Variants in SLC1A2 observed in about 807,000 individuals in gnomAD.
SLC1A2 encodes the protein excitatory amino acid transporter 2.
Under a neutral mutation model 48.8 loss-of-function variants are expected in SLC1A2, and 15 were observed. That is an observed-to-expected ratio of 0.31 (90% CI 0.21 to 0.47). The LOEUF is 0.47. SLC1A2 is among the 20% of genes least tolerant of loss of function. The pLI is 0.99. For synonymous variants in SLC1A2, 279 were observed against 272.6 expected (o/e 1.02, Z -0.23); for missense variants, 502 against 730.5 (o/e 0.69, Z 3.61).
chr11:35,419,082 T>C lies in SLC1A2; in HGVS notation c.-116A>G, dbSNP rs1228550359. 1.2e-6 allele frequency: 1 copy of C among 865,336 alleles called. No individual in the cohort carries two copies. Among genetic ancestry groups the C allele is most frequent in the Non-Finnish European group, 1.8e-6 (1 of 567,606 alleles). The allele number at this position is 865,336 out of a possible 1,614,324, so 53.6% of individuals were successfully genotyped here. On this transcript the variant is annotated 5_prime_UTR_variant, in exon 1 of 11. Transcript: ENST00000278379. This position sits in a 1 kb window ranked among gnomAD's most constrained non-coding sequence, Gnocchi z 5.4. ...GGGAGCGGTATTTAAGAGGAGCCTCTGCCCGCCCTTCCACCCGCCTCCGGG... is the reference window on the plus strand; with the variant it reads ...GGGAGCGGTATTTAAGAGGAGCCTCCGCCCGCCCTTCCACCCGCCTCCGGG...
At chr11:35,279,098 C>A (rs898136991) in intron 9 of SLC1A2, among the ~76,000 whole-genome samples, 2 of 152,190 alleles carry the variant, frequency 1.3e-5, no homozygotes, top group South Asian at 4.1e-4. Flanking sequence ...GCAAGTCAGG[C>A]AGTTTGAAAA....
intron 1 of SLC1A2, among the ~76,000 whole-genome samples, chr11:35,365,664 T>C (rs531277600): frequency 6.6e-6 from 1 of 152,218 alleles, no homozygotes; most frequent in South Asian, 2.1e-4. Flanking sequence ...TTACCACTCC[T>C]GAACTATTTC....
At position 35,351,700 on chromosome 11, in the gene SLC1A2, A is replaced by G. The variant is rs909225721; in HGVS notation, c.18-34184T>C. Among the ~76,000 whole-genome samples, 7 of 152,104 alleles carry G rather than the reference A, an allele frequency of 4.6e-5. No individual in the cohort carries two copies. The South Asian group carries it at 1.0e-3, about 23-fold the overall frequency. ...GCCCAGGCCAGAGTGCAGTGGCACA[A>G]TCTCGGCTCACTACAACCCTCTCCT... On this transcript the variant is annotated intron_variant, in intron 1 of 10. Coordinates refer to ENST00000278379, the MANE Select transcript of SLC1A2 (RefSeq NM_004171.4).
chr11:35,354,311 T>C (rs117239865), intron 1 of SLC1A2, among the ~76,000 whole-genome samples: 1,689 of 151,976 alleles, frequency 0.011, 15 homozygotes, highest in Non-Finnish European at 0.017. Flanking sequence ...TTTTTTTAAA[T>C]TAGCCAGGCA....
intron 1 of SLC1A2, among the ~76,000 whole-genome samples, chr11:35,351,631 T>TTTTA (rs1388816444): frequency 1.5e-4 from 23 of 152,186 alleles, no homozygotes; most frequent in African/African-American, 5.3e-4. Flanking sequence ...TATTTTTTAT[T>TTTTA]TTTATTTATT....
intron 8 of SLC1A2, among the ~76,000 whole-genome samples, chr11:35,283,391 T>A (rs1032166327): frequency 1.3e-5 from 2 of 152,210 alleles, no homozygotes; most frequent in Non-Finnish European, 2.9e-5. Flanking sequence ...ACACCCGTGG[T>A]GGGTGCCCCA....
At chr11:35,266,682 G>A (rs1950489813) in intron 9 of SLC1A2, among the ~76,000 whole-genome samples, 1 of 148,716 alleles carries the variant, frequency 6.7e-6, no homozygotes, top group Non-Finnish European at 1.5e-5. Flanking sequence ...TTAAAAGGAA[G>A]GATGCTGGAA....
chr11:35,377,320 G>T (rs559462568), intron 1 of SLC1A2, among the ~76,000 whole-genome samples: 1 of 152,160 alleles, frequency 6.6e-6, no homozygotes, highest in Non-Finnish European at 1.5e-5. Context: ...AAACTTTCTT[G>T]TTTCAACCAA....
chr11:35,389,923 G>T (rs972157706), intron 1 of SLC1A2, among the ~76,000 whole-genome samples: 3 of 152,178 alleles, frequency 2.0e-5, no homozygotes, highest in African/African-American at 7.2e-5. Context: ...AGGTTTTGGG[G>T]TCTTAAGTAT....
At position 35,254,601 on chromosome 11, in the gene SLC1A2, G is replaced by A; in HGVS notation, c.*6293C>T. The stretch of plus-strand genomic sequence containing the variant: ...GAAGAAACAGTGCCCCAGAAGGAGT[G>A]AGGCTCCGACTGCAACATCTCCATC... On this transcript the variant is annotated 3_prime_UTR_variant, in exon 11 of 11. Transcript: ENST00000278379. 1 of 319,808 alleles carries A rather than the reference G, an allele frequency of 3.1e-6. No homozygotes were observed. Among genetic ancestry groups the A allele is most frequent in the East Asian group, 9.1e-5 (1 of 10,998 alleles). The allele number at this position is 319,808 out of a possible 1,614,324, so 19.8% of individuals were successfully genotyped here. A position where few individuals can be genotyped will look rare whatever the true frequency, so the allele number is the denominator to read the frequency against.
At chr11:35,313,030 T>C (rs1283224381) in intron 3 of SLC1A2, among the ~76,000 whole-genome samples, 2 of 152,242 alleles carry the variant, frequency 1.3e-5, no homozygotes, top group Non-Finnish European at 2.9e-5. Context: ...TGAGTTAAAA[T>C]AAAGTTGAAG....
intron 1 of SLC1A2, among the ~76,000 whole-genome samples, chr11:35,376,882 C>T (rs1854254016): frequency 6.6e-6 from 1 of 152,158 alleles, no homozygotes; most frequent in South Asian, 2.1e-4. Flanking sequence ...TTCCTCAACC[C>T]CTGCACATTG....
chr11:35,384,667 C>T (rs1396932568), intron 1 of SLC1A2, among the ~76,000 whole-genome samples: 1 of 152,128 alleles, frequency 6.6e-6, no homozygotes, highest in East Asian at 1.9e-4. Flanking sequence ...CACCAGTATC[C>T]CAATTTCTGA....
At position 35,301,502 on chromosome 11, in the gene SLC1A2, A is replaced by G. The variant is rs1851354215; in HGVS notation, c.857+17T>C. ...TTTCTCAACCCACTGCTAAGAAGTA[A>G]GAACAAGGCCACTTACCACATGATC... is the stretch of plus-strand genomic sequence containing the variant. On this transcript the variant is annotated intron_variant, in intron 6 of 10. Coordinates refer to ENST00000278379, the MANE Select transcript of SLC1A2 (RefSeq NM_004171.4). 6.2e-7 allele frequency: 1 copy of G among 1,612,558 alleles called. No individual in the cohort carries two copies. Among genetic ancestry groups the G allele is most frequent in the Non-Finnish European group, 8.5e-7 (1 of 1,179,112 alleles).
intron 6 of SLC1A2, among the ~76,000 whole-genome samples, chr11:35,296,847 T>C (rs11524863): frequency 0.33 from 49,793 of 152,032 alleles, 9,439 homozygotes; most frequent in South Asian, 0.55. Context: ...ACGGCACTTA[T>C]TACTATTCGA....
intron 1 of SLC1A2, among the ~76,000 whole-genome samples, chr11:35,386,486 A>T (rs894462936): frequency 6.6e-6 from 1 of 152,266 alleles, no homozygotes; most frequent in African/African-American, 2.4e-5. Context: ...ATGAAAAGGC[A>T]TCAATATGTT....
chr11:35,317,544 G>A (rs773177643), intron 1 of SLC1A2, 28 bp from the exon 2 acceptor site: 10 of 1,606,226 alleles, frequency 6.2e-6, no homozygotes, highest in Non-Finnish European at 8.5e-6. Flanking sequence ...GCAGAGATTA[G>A]AGAGACTGGC....
intron 1 of SLC1A2, among the ~76,000 whole-genome samples, chr11:35,332,723 C>T (rs1459858198): frequency 1.3e-5 from 2 of 152,122 alleles, no homozygotes; most frequent in Non-Finnish European, 2.9e-5. Context: ...TCCCCATCTG[C>T]CCTGAACACA....
chr11:35,376,546 G>A (rs1389624818), intron 1 of SLC1A2, among the ~76,000 whole-genome samples: 1 of 151,960 alleles, frequency 6.6e-6, no homozygotes, highest in Non-Finnish European at 1.5e-5. Context: ...ATTTTCAAAA[G>A]ACAAAAAATG....
Sources: gnomAD v4.1 joint callset for allele counts (sites outside exome capture counted in the v4.1 genomes callset) on GRCh38, gnomAD v4.1.1 for gene constraint, Gnocchi (gnomAD v3.1) non-coding constraint, MANE v1.5 for transcripts, NCBI Gene and HGNC (gene_info 2026-07-23, HGNC 2026-07-21) for gene names.